Variants in CIMAP1A observed in about 807,000 individuals in gnomAD.
CIMAP1A encodes ciliary microtubule associated protein 1A, also known as cancer/testis antigen 135.
At chr11:197,762 GTT>G in the CIMAP1A span, 1 of 1,613,256 alleles carries the variant, frequency 6.2e-7, no homozygotes, top group Non-Finnish European at 8.5e-7. Flanking sequence ...CCTGGTCCAG[GTT>G]AGTGACCCTG....
At chr11:199,687 A>G in the CIMAP1A span, 1 of 1,435,190 alleles carries the variant, frequency 7.0e-7, no homozygotes, top group Non-Finnish European at 9.1e-7. Flanking sequence ...AGGCACCTGC[A>G]CCCTGAGGAC....
chr11:198,025 C>A, the CIMAP1A span: 2 of 1,538,828 alleles, frequency 1.3e-6, no homozygotes, highest in Non-Finnish European at 1.7e-6. Context: ...CTTTGTCTCA[C>A]CAGCCCTGAA....
At chr11:197,058 G>T in the CIMAP1A span, 1 of 370,654 alleles carries the variant, frequency 2.7e-6, no homozygotes, top group South Asian at 5.6e-5. Flanking sequence ...TGAGTTAAGG[G>T]CCAGCATGGA....
chr11:197,959 T>C, the CIMAP1A span: 4 of 1,524,316 alleles, frequency 2.6e-6, no homozygotes, highest in Admixed American at 2.0e-5. Flanking sequence ...AGCTCCGACC[T>C]GGACCTTTCT....
the CIMAP1A span, chr11:200,073 C>T: frequency 1.9e-6 from 3 of 1,601,814 alleles, no homozygotes; most frequent in African/African-American, 1.3e-5. Context: ...GGCATCTACA[C>T]AAGATCCGCC....
At chr11:199,654 T>TGGTGGGGGG in the CIMAP1A span, 1 of 352,768 alleles carries the variant, frequency 2.8e-6, no homozygotes, top group Non-Finnish European at 3.4e-6. Context: ...CAAGAAGGGG[T>TGGTGGGGGG]GGAGGGGTGG....
the CIMAP1A span, chr11:197,507 C>T: frequency 7.5e-6 from 12 of 1,595,956 alleles, no homozygotes; most frequent in East Asian, 1.3e-4. Context: ...TGACTCCCAG[C>T]GGGGAGAAGG....
chr11:199,464 G>A, the CIMAP1A span: 1 of 1,562,804 alleles, frequency 6.4e-7, no homozygotes, highest in East Asian at 2.4e-5. Flanking sequence ...AGCCCCCAGG[G>A]GACAAGACCC....
At chr11:198,894 G>GC in the CIMAP1A span, 1 of 1,256,922 alleles carries the variant, frequency 8.0e-7, no homozygotes, top group Non-Finnish European at 1.0e-6. Flanking sequence ...AAGAGGAGGA[G>GC]GAAAAAATAA....
the CIMAP1A span, chr11:197,902 G>A: frequency 3.3e-6 from 5 of 1,492,848 alleles, no homozygotes; most frequent in Non-Finnish European, 4.5e-6. Flanking sequence ...TCTCTCTTGA[G>A]GGGTCACCAT....
At chr11:197,574 C>T in the CIMAP1A span, 59 of 1,613,088 alleles carry the variant, frequency 3.7e-5, 1 homozygote, top group Admixed American at 8.0e-4. Context: ...TCATGAAGCA[C>T]ACGCCCACCA....
chr11:198,055 A>T, the CIMAP1A span: 1 of 1,543,024 alleles, frequency 6.5e-7, no homozygotes. Flanking sequence ...TCCATCCTGG[A>T]CACCCCCTGA....
At chr11:198,432 T>C in the CIMAP1A span, 4 of 1,613,118 alleles carry the variant, frequency 2.5e-6, no homozygotes, top group Admixed American at 1.7e-5. Flanking sequence ...GTGGGCCCTG[T>C]TCCGGCCTGA....
At chr11:199,928 G>C in the CIMAP1A span, 1 of 1,613,580 alleles carries the variant, frequency 6.2e-7, no homozygotes, top group Non-Finnish European at 8.5e-7. Flanking sequence ...TCCTATCATA[G>C]CCCCTCCTCT....
the CIMAP1A span, chr11:197,785 C>T: frequency 6.2e-6 from 10 of 1,609,132 alleles, no homozygotes; most frequent in East Asian, 2.2e-4. Flanking sequence ...TCTCAGGCTC[C>T]TGCCCTGCGC....
At chr11:198,563 G>C in the CIMAP1A span, 3 of 1,611,382 alleles carry the variant, frequency 1.9e-6, no homozygotes, top group Non-Finnish European at 2.5e-6. Flanking sequence ...AAGCTGGGCG[G>C]CTTCAGCGAC....
chr11:197,440 G>A, the CIMAP1A span: 1 of 1,596,304 alleles, frequency 6.3e-7, no homozygotes, highest in Non-Finnish European at 8.5e-7. Context: ...CTGTGGGAGA[G>A]GGTCAGGAGC....
the CIMAP1A span, chr11:197,871 T>C: frequency 9.4e-6 from 14 of 1,496,198 alleles, no homozygotes; most frequent in Admixed American, 2.1e-5. Flanking sequence ...TCAGCCATCC[T>C]GGCCCCTCCC....
chr11:198,344 A>G, the CIMAP1A span: 3 of 1,613,492 alleles, frequency 1.9e-6, no homozygotes, highest in Non-Finnish European at 2.5e-6. Flanking sequence ...GGACCTGGGG[A>G]TCCTGGGTGG....
Sources: allele counts gnomAD v4.1 joint callset, GRCh38; gene constraint gnomAD v4.1.1; transcripts MANE v1.5; gene names NCBI Gene and HGNC (gene_info 2026-07-23, HGNC 2026-07-21).